SEC16A: variants seen among roughly 807,000 people sequenced by gnomAD.
SEC16A encodes SEC16 homolog A, endoplasmic reticulum export factor.
SEC16A carries 110 observed loss-of-function variants against 221.9 expected under a neutral mutation model. The observed-to-expected ratio is 0.50, with a 90% CI of 0.42 to 0.58. The LOEUF (loss-of-function observed/expected upper bound fraction) is 0.58, where lower values mean the gene tolerates loss of function less well. SEC16A is among the 20% of genes least tolerant of loss of function. The pLI is 0.00. For synonymous variants in SEC16A, 1,393 were observed against 1,257.7 expected (o/e 1.11, Z -2.28); for missense variants, 3,165 against 3,097.8 (o/e 1.02, Z -0.52).
chr9:136,477,674 C>T lies in SEC16A; in HGVS notation c.-59G>A. 1 of 1,486,902 alleles carries T rather than the reference C, an allele frequency of 6.7e-7. No individual in the cohort carries two copies. Among genetic ancestry groups the T allele is most frequent in the Non-Finnish European group, 8.9e-7 (1 of 1,122,504 alleles). The allele number at this position is 1,486,902 out of a possible 1,614,324, so 92.1% of individuals were successfully genotyped here. A position where few individuals can be genotyped will look rare whatever the true frequency, so the allele number is the denominator to read the frequency against. On this transcript the variant is annotated 5_prime_UTR_variant, in exon 3 of 32. Transcript: ENST00000684901. ...AGAAGGAAGCAGGATATAGCTGTTC[C>T]TTAATTGGAGCTGGAAAAGAAAAAG...
At position 136,476,938 on chromosome 9, in the gene SEC16A, C is replaced by T. The variant is rs1190062989; in HGVS notation, c.678G>A (p.Gly226=). The change falls in exon 3 of 32, where the codon GGG becomes GGA. Residue 226 remains glycine (G), a synonymous_variant. Coordinates refer to ENST00000684901, the MANE Select transcript of SEC16A (RefSeq NM_014866.2). The part of the protein sequence containing the change: ...GPVQGGPQPS[G]QHRSPCPEGP... The stretch of plus-strand genomic sequence containing the variant: ...CTTCAGGGCAGGGTGAACGATGTTG[C>T]CCCGAGGGCTGTGGGCCTCCCTGCA... 2 of 1,612,264 alleles carry T rather than the reference C, an allele frequency of 1.2e-6. No homozygotes were observed. Among genetic ancestry groups the T allele is most frequent in the Admixed American group, 1.7e-5 (1 of 60,016 alleles).
Position 136,463,109 on chromosome 9 carries a change from C to T in SEC16A, c.4671G>A (p.Ala1557=), listed in dbSNP as rs762946615. The T allele has an allele frequency of 2.9e-5, 47 of 1,611,056 alleles. No homozygotes were observed. Among genetic ancestry groups the T allele is most frequent in the Non-Finnish European group, 3.6e-5 (42 of 1,179,900 alleles). The change falls in exon 12 of 32, where the codon GCG becomes GCA. Residue 1557 remains alanine (A), a synonymous_variant. Transcript: ENST00000684901. Reference sequence around the variant, plus strand: ...TTCTGTGGTCTCGTAACAGAAGCTCCGCAATGTCGGTCCCTACCACGGTCT... The same window carrying T: ...TTCTGTGGTCTCGTAACAGAAGCTCTGCAATGTCGGTCCCTACCACGGTCT... ...QNGTVVGTDI[A]ELLLRDHRTV... is the part of the protein sequence containing the mutation.
upstream of SEC16A, chr9:136,484,446 G>T (rs771228578): frequency 8.3e-7 from 1 of 1,203,548 alleles, no homozygotes. Context: ...GAAGCGGCCA[G>T]CCATGCCGGG....
intron 13 of SEC16A, 58 bp downstream of exon 13, chr9:136,461,119 G>T (rs80306644): frequency 5.1e-6 from 7 of 1,370,456 alleles, no homozygotes; most frequent in Non-Finnish European, 7.1e-6. Context: ...TGCGGACGCC[G>T]CGTGCTACAG....
rs1841490949 is a variant in SEC16A, at chr9:136,475,432, T to G, written c.2184A>C (p.Gln728His). ...CESPATTLWA[Q>H]SELPDFGGNV... ...TGCCTCCAAAATCTGGCAGCTCACT[T>G]TGCGCCCACAGAGTCGTTGCTGGGC... Residue 728 changes from glutamine to histidine, a missense_variant, in exon 3 of 32, where the codon CAA becomes CAC. By Grantham distance (24) the Gln-to-His change is conservative. Coordinates refer to ENST00000684901, the MANE Select transcript of SEC16A (RefSeq NM_014866.2). This position sits in a 1 kb window ranked among gnomAD's most constrained non-coding sequence, Gnocchi z 5.0. The G allele has an allele frequency of 6.2e-7, 1 of 1,610,756 alleles. No homozygotes were observed. The highest frequency in any genetic ancestry group is 8.5e-7 in the Non-Finnish European group (1 of 1,177,924).
rs11999532 is a variant in SEC16A at position 136,476,953 on chromosome 9, G to C, written c.663C>G (p.Gly221=). 394,992 of 1,612,548 alleles carry C rather than the reference G, an allele frequency of 0.24. 51,868 individuals carry two copies. The highest frequency in any genetic ancestry group is 0.28 in the Non-Finnish European group (324,435 of 1,179,694). Residue 221 remains glycine, a synonymous_variant, in exon 3 of 32, where the codon GGC becomes GGG. Transcript: ENST00000684901. ...AACGATGTTGCCCCGAGGGCTGTGG[G>C]CCTCCCTGCACTGGCCCCCACTGTC... ...MPGQWGPVQG[G]PQPSGQHRSP... is the part of the protein sequence containing the mutation.
Position 136,474,920 on chromosome 9 carries a change from G to A in SEC16A, c.2696C>T (p.Pro899Leu), listed in dbSNP as rs1182449706. The A allele has an allele frequency of 8.7e-6, 14 of 1,613,866 alleles. No individual in the cohort carries two copies. The highest frequency in any genetic ancestry group is 1.2e-5 in the Non-Finnish European group (14 of 1,179,884). The change falls in exon 3 of 32, where the codon CCT (proline) becomes CTT (leucine). Residue 899 changes from proline to leucine, a missense_variant. By Grantham distance (98) the Pro-to-Leu change is moderately conservative (BLOSUM62 -3). Around this residue, in one of 3 missense-constraint regions of SEC16A, gnomAD observed 2,030 missense variants for 1,923.1 expected, o/e 1.06. Coordinates refer to ENST00000684901, the MANE Select transcript of SEC16A (RefSeq NM_014866.2). ...PTSSVLSLSLPSSVAQSNFPQ... is the reference protein window; with the variant it reads ...PTSSVLSLSLLSSVAQSNFPQ... The stretch of plus-strand genomic sequence containing the variant: ...AAAATTACTTTGGGCAACACTGCTA[G>A]GCAGAGACAAGCTAAGGACAGAGCT...
chr9:136,458,477 A>C (rs1411433400), intron 17 of SEC16A, among the ~76,000 whole-genome samples: 1 of 151,826 alleles, frequency 6.6e-6, no homozygotes. Context: ...AAATACAAAA[A>C]ATTAGCCGGG....
rs761962148 is a variant in SEC16A, at chr9:136,445,680, G to A, written c.6832C>T (p.Pro2278Ser). 2.5e-5 allele frequency: 39 copies of A among 1,551,664 alleles called. No homozygotes were observed. The East Asian group carries it at 8.5e-4, about 34-fold the overall frequency. ...SAASLPGSEL[P>S]SSRPEGSQGG... ...TGGGAACCCTCAGGCCTGGAGGAGG[G>A]GAGTTCAGAGCCAGGGAGTGACGCT... is the stretch of plus-strand genomic sequence containing the variant. The change falls in exon 29 of 32, where the codon CCC (proline) becomes TCC (serine). Residue 2278 changes from proline to serine, a missense_variant. This residue lies in a region of SEC16A where 1,088 missense variants were observed against 1,089.6 expected (regional missense o/e 1.00). Coordinates refer to ENST00000684901, the MANE Select transcript of SEC16A (RefSeq NM_014866.2).
chr9:136,468,564 G>A, intron 4 of SEC16A, 52 bp from the exon 5 acceptor site: 1 of 1,174,416 alleles, frequency 8.5e-7, no homozygotes, highest in Non-Finnish European at 1.3e-6. Flanking sequence ...TTCTTAAAGT[G>A]TGACATCAGC....
chr9:136,477,377 C>T lies in SEC16A; in HGVS notation c.239G>A (p.Gly80Asp), dbSNP rs1841784431. The change falls in exon 3 of 32, where the codon GGC (glycine) becomes GAC (aspartate). Residue 80 changes from glycine (G) to aspartate (D), a missense_variant. By Grantham distance (94) the Gly-to-Asp change is moderately conservative (BLOSUM62 -1). This residue lies in a region of SEC16A where 2,030 missense variants were observed against 1,923.1 expected (regional missense o/e 1.06). Coordinates refer to ENST00000684901, the MANE Select transcript of SEC16A (RefSeq NM_014866.2). ...SSKSSPPVLQ[G>D]PAPAGFSQHP... ...CTGAGAAAACCCTGCGGGGGCTGGG[C>T]CTTGCAAGACAGGTGGACTGCTTTT... is the stretch of plus-strand genomic sequence containing the variant. The T allele has an allele frequency of 6.2e-7, 1 of 1,613,826 alleles. No individual in the cohort carries two copies. The highest frequency in any genetic ancestry group is 1.1e-5 in the South Asian group (1 of 91,080).
In SEC16A at chr9:136,463,565, T is replaced by G. The variant is rs1397835545; in HGVS notation, c.4545A>C (p.Ala1515=). ...DTHKVDVINF[A]QNKAMKCLQN... Reference sequence around the variant, plus strand: ...GCAAACATTTCATAGCTTTGTTCTGTGCAAAATTAATGACATCCACCTTAT... The same window carrying G: ...GCAAACATTTCATAGCTTTGTTCTGGGCAAAATTAATGACATCCACCTTAT... Residue 1515 remains alanine (A), a synonymous_variant, in exon 11 of 32, where the codon GCA becomes GCC. Coordinates refer to ENST00000684901, the MANE Select transcript of SEC16A (RefSeq NM_014866.2). 3.1e-6 allele frequency: 5 copies of G among 1,613,904 alleles called. No homozygotes were observed. Among genetic ancestry groups the G allele is most frequent in the Admixed American group, 1.7e-5 (1 of 60,034 alleles).
chr9:136,483,464 C>T, upstream of SEC16A: 1 of 924,330 alleles, frequency 1.1e-6, no homozygotes, highest in Non-Finnish European at 1.3e-6. Flanking sequence ...GCCGTCCTTC[C>T]CCGCCCGTGG....
At chr9:136,452,310 G>A (rs748062108) in intron 22 of SEC16A, among the ~76,000 whole-genome samples, 13 of 151,528 alleles carry the variant, frequency 8.6e-5, no homozygotes, top group Non-Finnish European at 1.5e-4. Context: ...AATGAGCTGG[G>A]TGTGGTGGTG....
chr9:136,462,912 T>A lies in SEC16A; in HGVS notation c.4868A>T (p.Glu1623Val), dbSNP rs369871988. ...CTTCTTACGGCCATACAGCAACAGCTCCCTGAACCTCTCGGTCTCTCTCTC... is the reference window on the plus strand; with the variant it reads ...CTTCTTACGGCCATACAGCAACAGCACCCTGAACCTCTCGGTCTCTCTCTC... ...SLERETERFR[E>V]LLLYGRKKDA... Residue 1623 changes from glutamate (E) to valine (V), a missense_variant, in exon 12 of 32, where the codon GAG becomes GTG. By Grantham distance (121) the Glu-to-Val change is moderately radical. This residue lies in a region of SEC16A where 1,088 missense variants were observed against 1,089.6 expected (regional missense o/e 1.00). Coordinates refer to ENST00000684901, the MANE Select transcript of SEC16A (RefSeq NM_014866.2). The A allele has an allele frequency of 2.5e-6, 4 of 1,602,036 alleles. No individual in the cohort carries two copies. The highest frequency in any genetic ancestry group is 3.4e-6 in the Non-Finnish European group (4 of 1,179,800).
At chr9:136,472,256 A>G (rs1840979066) in intron 3 of SEC16A, 145 bp from the exon 4 acceptor site, 1 of 925,180 alleles carries the variant, frequency 1.1e-6, no homozygotes, top group African/African-American at 1.6e-5. Flanking sequence ...AGCCTGAGCT[A>G]GAAACATCGC....
rs1836879367 is a variant in SEC16A, at chr9:136,445,687, A to G, written c.6825T>C (p.Ser2275=). Residue 2275 remains serine (S), a synonymous_variant, in exon 29 of 32, where the codon TCT becomes TCC. Coordinates refer to ENST00000684901, the MANE Select transcript of SEC16A (RefSeq NM_014866.2). ...VLSSAASLPG[S]ELPSSRPEGS... The stretch of plus-strand genomic sequence containing the variant: ...CCTCAGGCCTGGAGGAGGGGAGTTC[A>G]GAGCCAGGGAGTGACGCTGCAGAGC... The G allele has an allele frequency of 6.4e-7, 1 of 1,551,122 alleles. No individual in the cohort carries two copies. Among genetic ancestry groups the G allele is most frequent in the African/African-American group, 1.4e-5 (1 of 73,020 alleles).
At chr9:136,484,520 C>T (rs1166922685), upstream of SEC16A, 1 of 1,269,158 alleles carries the variant, frequency 7.9e-7, no homozygotes, top group East Asian at 5.0e-5. Flanking sequence ...TCTGCTGCTC[C>T]TTCCAGAGGG....
chr9:136,468,638 A>C, intron 4 of SEC16A, 126 bp from the exon 5 acceptor site: 2 of 614,404 alleles, frequency 3.3e-6, no homozygotes, highest in Non-Finnish European at 5.8e-6. Context: ...CAAAAATTCC[A>C]ATTAGAAGAT....
Sources: allele counts gnomAD v4.1 joint callset (sites outside exome capture counted in the v4.1 genomes callset), GRCh38; gene constraint gnomAD v4.1.1; regional missense constraint gnomAD v4.1.1; non-coding constraint Gnocchi (gnomAD v3.1); transcripts MANE v1.5; gene names NCBI Gene and HGNC (gene_info 2026-07-23, HGNC 2026-07-21).